Variants in EXT1 observed in about 807,000 individuals in gnomAD.
The protein encoded by EXT1 is exostosin glycosyltransferase 1.
EXT1 carries 20 observed loss-of-function variants against 82.5 expected under a neutral mutation model. That is an observed-to-expected ratio of 0.24 (90% CI 0.17 to 0.35). The LOEUF (loss-of-function observed/expected upper bound fraction) is 0.35. Ranked by LOEUF, EXT1 falls within the 10% of genes least tolerant of loss-of-function variation. EXT1 has a pLI of 1.00. For synonymous variants in EXT1, 348 were observed against 350.8 expected (o/e 0.99, Z 0.09); for missense variants, 757 against 936.5 (o/e 0.81, Z 2.50).
chr8:117,829,484 C>T (rs1812060370), intron 4 of EXT1, among the ~76,000 whole-genome samples: 2 of 151,806 alleles, frequency 1.3e-5, no homozygotes, highest in Admixed American at 1.3e-4. Context: ...TCCCGCAATG[C>T]CATTGGACTG....
chr8:117,829,835 T>C (rs1298948731), intron 4 of EXT1, among the ~76,000 whole-genome samples: 1 of 152,106 alleles, frequency 6.6e-6, no homozygotes, highest in Non-Finnish European at 1.5e-5. Flanking sequence ...CTTCTCAAAG[T>C]GCTGAGATTA....
chr8:117,825,259 A>T (rs1280909873), intron 4 of EXT1, among the ~76,000 whole-genome samples: 1 of 152,198 alleles, frequency 6.6e-6, no homozygotes, highest in African/African-American at 2.4e-5. Context: ...TAAAAGGTTT[A>T]TATCAACTTG....
chr8:117,844,132 A>AATCACTATTATTATT (rs1554580583), intron 1 of EXT1, among the ~76,000 whole-genome samples: 1 of 57,444 alleles, frequency 1.7e-5, no homozygotes, highest in Non-Finnish European at 3.5e-5. Flanking sequence ...TTAAAATTTC[A>AATCACTATTATTATT]ATTACTATTA....
At chr8:117,973,871 GA>G (rs1815004057) in intron 1 of EXT1, among the ~76,000 whole-genome samples, 2 of 118,158 alleles carry the variant, frequency 1.7e-5, no homozygotes, top group Non-Finnish European at 3.5e-5. Flanking sequence ...GAAAGGAAAG[GA>G]AAGGAAAGGA....
At chr8:117,934,120 CTG>C (rs1407335723) in intron 1 of EXT1, among the ~76,000 whole-genome samples, 1 of 152,158 alleles carries the variant, frequency 6.6e-6, no homozygotes, top group Non-Finnish European at 1.5e-5. Flanking sequence ...ACCCTTTAGT[CTG>C]AGACACACCT....
chr8:117,946,569 G>T (rs183514050), intron 1 of EXT1, among the ~76,000 whole-genome samples: 2 of 152,294 alleles, frequency 1.3e-5, no homozygotes, highest in East Asian at 3.9e-4. Flanking sequence ...CTACAGGAGC[G>T]GGCAGGCACG....
chr8:117,899,005 T>C (rs942840234), intron 1 of EXT1, among the ~76,000 whole-genome samples: 5 of 152,164 alleles, frequency 3.3e-5, no homozygotes, highest in Non-Finnish European at 5.9e-5. Flanking sequence ...AATGAAGTGA[T>C]TGATAATAAA....
chr8:118,054,387 C>T (rs1816762384), intron 1 of EXT1, among the ~76,000 whole-genome samples: 1 of 152,168 alleles, frequency 6.6e-6, no homozygotes, highest in Non-Finnish European at 1.5e-5. Context: ...CCTATACAGT[C>T]TTCCAAGCCT....
chr8:117,979,355 AAAAC>A (rs140991885), intron 1 of EXT1, among the ~76,000 whole-genome samples: 37 of 117,648 alleles, frequency 3.1e-4, no homozygotes, highest in Middle Eastern at 4.3e-3. Context: ...CTCTGTCTCA[AAAAC>A]AAACAAACAA....
chr8:117,962,486 C>G (rs540780226), intron 1 of EXT1, among the ~76,000 whole-genome samples: 1 of 152,174 alleles, frequency 6.6e-6, no homozygotes, highest in Admixed American at 6.5e-5. Context: ...GGCACAGTGG[C>G]TCATACCTGT....
At chr8:117,805,461 C>T (rs1823223738) in intron 9 of EXT1, among the ~76,000 whole-genome samples, 1 of 152,064 alleles carries the variant, frequency 6.6e-6, no homozygotes, top group Non-Finnish European at 1.5e-5. Flanking sequence ...GGTGGTCAAT[C>T]GTAACAGAAA....
At chr8:117,832,973 A>T (rs1256013821) in intron 3 of EXT1, among the ~76,000 whole-genome samples, 1 of 152,228 alleles carries the variant, frequency 6.6e-6, no homozygotes, top group Non-Finnish European at 1.5e-5. Context: ...ACCAGAATAG[A>T]TACAAGAAAG....
chr8:117,831,198 C>G (rs1812093764), intron 3 of EXT1, among the ~76,000 whole-genome samples: 1 of 152,150 alleles, frequency 6.6e-6, no homozygotes, highest in South Asian at 2.1e-4. Flanking sequence ...GGAGTGTTGC[C>G]TCTAGCAGCA....
chr8:117,890,543 A>T (rs932651751), intron 1 of EXT1, among the ~76,000 whole-genome samples: 2 of 152,332 alleles, frequency 1.3e-5, no homozygotes, highest in African/African-American at 4.8e-5. Flanking sequence ...TAGGCAGGGC[A>T]ATGTTGACTT....
rs1491565219 is a variant in EXT1, at chr8:117,796,423, C to CTGAT, written c.*3285_*3288dup. On this transcript the variant is annotated 3_prime_UTR_variant, in exon 11 of 11. Coordinates refer to ENST00000378204, the MANE Select transcript of EXT1 (RefSeq NM_000127.3). ...CTATTCACATTCATTCATCTCACCC[C>CTGAT]TGATTAAAGTTCAGTAACCTTTATG... The CTGAT allele has an allele frequency of 5.4e-5, 8 of 149,478 alleles. No individual in the cohort carries two copies. Among genetic ancestry groups the CTGAT allele is most frequent in the African/African-American group, 1.7e-4 (7 of 41,124 alleles). 9.3% of individuals were successfully genotyped at this position (149,478 alleles called of 1,614,324 possible).
chr8:117,997,686 T>C (rs4288407), intron 1 of EXT1, among the ~76,000 whole-genome samples: 2 of 152,174 alleles, frequency 1.3e-5, no homozygotes, highest in Non-Finnish European at 2.9e-5. Context: ...CATTATTCAG[T>C]AGAGGTACAG....
At chr8:117,998,824 A>C (rs1045789159) in intron 1 of EXT1, among the ~76,000 whole-genome samples, 1 of 152,230 alleles carries the variant, frequency 6.6e-6, no homozygotes, top group African/African-American at 2.4e-5. Flanking sequence ...GAAAGATTAC[A>C]GAAGTCAGCA....
chr8:118,048,926 T>C (rs1403153298), intron 1 of EXT1, among the ~76,000 whole-genome samples: 1 of 152,188 alleles, frequency 6.6e-6, no homozygotes, highest in Non-Finnish European at 1.5e-5. Flanking sequence ...CCAAGCACCA[T>C]GCTGACAGCC....
chr8:117,869,378 G>C (rs1181895278), intron 1 of EXT1, among the ~76,000 whole-genome samples: 2 of 152,198 alleles, frequency 1.3e-5, no homozygotes, highest in Non-Finnish European at 1.5e-5. Context: ...ACTCAGAGCT[G>C]GCTAAGGGGC....
Sources: allele counts gnomAD v4.1 joint callset (sites outside exome capture counted in the v4.1 genomes callset), GRCh38; gene constraint gnomAD v4.1.1; transcripts MANE v1.5; gene names NCBI Gene and HGNC (gene_info 2026-07-23, HGNC 2026-07-21).